DSCAML1: variants seen among roughly 807,000 people sequenced by gnomAD.
DSCAML1 encodes the protein cell adhesion molecule DSCAML1.
In DSCAML1, 38 loss-of-function variants were observed where a neutral mutation model predicts 200.5. The observed-to-expected ratio is 0.19, with a 90% CI of 0.15 to 0.25. The LOEUF (loss-of-function observed/expected upper bound fraction) is 0.25, where lower values mean the gene tolerates loss of function less well. Ranked by LOEUF, DSCAML1 falls within the 10% of genes least tolerant of loss-of-function variation. DSCAML1 has a pLI of 1.00. For missense variants in DSCAML1, 2,223 were observed against 2,858.8 expected (o/e 0.78, Z 5.07); for synonymous variants, 1,215 against 1,165.0 (o/e 1.04, Z -0.87).
At chr11:117,710,712 G>A (rs1047816205) in intron 3 of DSCAML1, among the ~76,000 whole-genome samples, 4 of 152,212 alleles carry the variant, frequency 2.6e-5, no homozygotes, top group African/African-American at 4.8e-5. Context: ...ACTTGGACAA[G>A]TGTTTGCAAA....
At chr11:117,529,751 C>T (rs998605621) in intron 4 of DSCAML1, among the ~76,000 whole-genome samples, 4 of 151,942 alleles carry the variant, frequency 2.6e-5, no homozygotes, top group African/African-American at 9.7e-5. Context: ...TCAGCGGACA[C>T]TCGTGCCTGC....
At chr11:117,699,690 C>A (rs1277068793) in intron 3 of DSCAML1, among the ~76,000 whole-genome samples, 1 of 152,220 alleles carries the variant, frequency 6.6e-6, no homozygotes, top group Admixed American at 6.5e-5. Flanking sequence ...GCCCAGTACC[C>A]ACAGTGGCTC....
intron 11 of DSCAML1, among the ~76,000 whole-genome samples, chr11:117,497,926 CCCGT>C (rs2137261753): frequency 6.6e-6 from 1 of 152,356 alleles, no homozygotes; most frequent in East Asian, 1.9e-4. Flanking sequence ...GAGAGTCCAT[CCCGT>C]CCCCCACTCG....
chr11:117,813,174 A>G (rs1356149731), intron 1 of DSCAML1, among the ~76,000 whole-genome samples: 1 of 152,186 alleles, frequency 6.6e-6, no homozygotes, highest in East Asian at 1.9e-4. Flanking sequence ...GGACTGGACA[A>G]TACTTTTACC....
intron 3 of DSCAML1, among the ~76,000 whole-genome samples, chr11:117,537,736 T>C (rs925299881): frequency 6.6e-6 from 1 of 152,128 alleles, no homozygotes; most frequent in Non-Finnish European, 1.5e-5. Flanking sequence ...CCAGGGAAAG[T>C]GCTGTGCAGA....
chr11:117,671,235 T>C (rs965113073), intron 3 of DSCAML1, among the ~76,000 whole-genome samples: 2 of 152,160 alleles, frequency 1.3e-5, no homozygotes, highest in African/African-American at 2.4e-5. Flanking sequence ...ATTAAGGAAT[T>C]TGAGCTTTTA....
chr11:117,441,004 T>C (rs2137086249), intron 21 of DSCAML1, among the ~76,000 whole-genome samples: 1 of 150,444 alleles, frequency 6.6e-6, no homozygotes, highest in African/African-American at 2.5e-5. Flanking sequence ...GAGGATAGTT[T>C]GGTGGAGGGG....
At chr11:117,799,826 T>A (rs757254919), upstream of DSCAML1, among the ~76,000 whole-genome samples, 4 of 152,234 alleles carry the variant, frequency 2.6e-5, no homozygotes, top group Non-Finnish European at 5.9e-5. Flanking sequence ...ACAAGCCCCA[T>A]GGCTGACGCA....
chr11:117,532,356 C>T lies in DSCAML1; in HGVS notation c.658+20G>A. 1 of 1,610,902 alleles carries T rather than the reference C, an allele frequency of 6.2e-7. No individual in the cohort carries two copies. The highest frequency in any genetic ancestry group is 8.5e-7 in the Non-Finnish European group (1 of 1,178,438). On this transcript the variant is annotated intron_variant, in intron 4 of 32. Coordinates refer to ENST00000651296, the MANE Select transcript of DSCAML1 (RefSeq NM_020693.4). ...CTCCCTTCCCAGCCTGCCCCGTTCT[C>T]CCCAGGCCCTCTCCCCTACCTGTCA...
intron 3 of DSCAML1, among the ~76,000 whole-genome samples, chr11:117,697,638 G>C (rs1157670585): frequency 1.3e-5 from 2 of 151,930 alleles, no homozygotes; most frequent in Non-Finnish European, 1.5e-5. Flanking sequence ...TCTATTTTCT[G>C]TCTCTAGGAA....
chr11:117,473,638 T>C (rs1430773515), intron 14 of DSCAML1, among the ~76,000 whole-genome samples: 2 of 152,358 alleles, frequency 1.3e-5, no homozygotes, highest in Non-Finnish European at 1.5e-5. Context: ...ACACCACTTA[T>C]AGCTGCTCAG....
At chr11:117,555,915 A>AG in intron 3 of DSCAML1, among the ~76,000 whole-genome samples, 1 of 94,456 alleles carries the variant, frequency 1.1e-5, no homozygotes, top group East Asian at 3.4e-4. Context: ...GCAGGAAGCC[A>AG]GGGGGGAGCT....
rs538465835 is a variant in DSCAML1 at position 117,733,997 on chromosome 11, C to G, written c.511+42794G>C. 3.3e-5 allele frequency among the ~76,000 whole-genome samples: 5 copies of G among 152,154 alleles called. No individual in the cohort carries two copies. The East Asian group carries it at 9.7e-4, about 29-fold the overall frequency. On this transcript the variant is annotated intron_variant, in intron 3 of 32. Coordinates refer to ENST00000651296, the MANE Select transcript of DSCAML1 (RefSeq NM_020693.4). Reference sequence around the variant, plus strand: ...GACCATCTGGATAAGTCATCTTCCTCTGGGCCTCAAATCTCAGGGACCAAT... The same window carrying G: ...GACCATCTGGATAAGTCATCTTCCTGTGGGCCTCAAATCTCAGGGACCAAT...
In DSCAML1 at chr11:117,616,270, A is replaced by T. The variant is rs1190266131; in HGVS notation, c.512-83748T>A. Among the ~76,000 whole-genome samples, 7 of 152,160 alleles carry T rather than the reference A, an allele frequency of 4.6e-5. No homozygotes were observed. The East Asian group carries it at 1.3e-3, about 29-fold the overall frequency. On this transcript the variant is annotated intron_variant, in intron 3 of 32. Transcript: ENST00000651296. ...GATTGGGCTGTGGACCACTTATGGG[A>T]GAGTCAGAGCTGGAGAAAATGATCC...
At chr11:117,776,193 C>A (rs1287369173) in intron 3 of DSCAML1, among the ~76,000 whole-genome samples, 2 of 152,184 alleles carry the variant, frequency 1.3e-5, no homozygotes, top group African/African-American at 4.8e-5. Context: ...ATCACGGCAG[C>A]TGTGATGAGA....
At chr11:117,492,790 A>T (rs2137250975) in intron 11 of DSCAML1, among the ~76,000 whole-genome samples, 1 of 152,250 alleles carries the variant, frequency 6.6e-6, no homozygotes. Context: ...CTCCCCTGGG[A>T]AAGGCTGGGG....
chr11:117,481,914 C>T, intron 12 of DSCAML1, 49 bp downstream of exon 12: 1 of 1,607,770 alleles, frequency 6.2e-7, no homozygotes, highest in Non-Finnish European at 8.5e-7. Flanking sequence ...TGCGGGCTCC[C>T]CACTCTCTGA....
chr11:117,495,364 C>G (rs953502551), intron 11 of DSCAML1, among the ~76,000 whole-genome samples: 4 of 152,170 alleles, frequency 2.6e-5, no homozygotes, highest in African/African-American at 9.7e-5. Context: ...CAAGCAAACA[C>G]AGACAGGAGA....
chr11:117,545,888 C>T (rs1199558145), intron 3 of DSCAML1, among the ~76,000 whole-genome samples: 2 of 152,214 alleles, frequency 1.3e-5, no homozygotes, highest in African/African-American at 4.8e-5. Flanking sequence ...GTGGTCAGAG[C>T]GCAGATGTCA....
Sources: gnomAD v4.1 joint callset for allele counts (sites outside exome capture counted in the v4.1 genomes callset) on GRCh38, gnomAD v4.1.1 for gene constraint, MANE v1.5 for transcripts, NCBI Gene and HGNC (gene_info 2026-07-23, HGNC 2026-07-21) for gene names.